Variants in FHIT observed in about 807,000 individuals in gnomAD.
The protein encoded by FHIT is bis(5'-adenosyl)-triphosphatase.
A neutral mutation model predicts 17.9 loss-of-function variants in FHIT; 19 were observed. The observed-to-expected ratio is 1.06, with a 90% CI of 0.74 to 1.56. The LOEUF is 1.56. Ranked by LOEUF, FHIT falls within the 40% of genes most tolerant of loss-of-function variation. The pLI is 0.00. For missense variants in FHIT, 248 were observed against 189.2 expected, an observed-to-expected ratio of 1.31 and a Z score of -1.82; for synonymous variants, 81 against 69.7, an observed-to-expected ratio of 1.16 and a Z score of -0.81.
At chr3:59,883,482 T>C (rs1434080938) in intron 8 of FHIT, among the ~76,000 whole-genome samples, 1 of 152,176 alleles carries the variant, frequency 6.6e-6, no homozygotes, top group Non-Finnish European at 1.5e-5. Context: ...TATAAAACCA[T>C]CAGATTTCAG....
chr3:60,552,717 A>T (rs1294547145), intron 4 of FHIT, among the ~76,000 whole-genome samples: 1 of 152,178 alleles, frequency 6.6e-6, no homozygotes, highest in African/African-American at 2.4e-5. Flanking sequence ...AGCTCTTTAG[A>T]CATGTTACTT....
rs551439316 is a variant in FHIT, at chr3:60,093,643, A to G, written c.104-79491T>C. On this transcript the variant is annotated intron_variant, in intron 5 of 9. Transcript: ENST00000492590. The stretch of plus-strand genomic sequence containing the variant: ...GCGGGTGAGCAAGCATTACTGCCTG[A>G]GGTTAGCTTCCTATCAGATCAGCAG... Among the ~76,000 whole-genome samples the G allele has an allele frequency of 1.8e-3, 275 of 152,268 alleles. 1 individual carries two copies. The highest frequency in any genetic ancestry group is 1.2e-3 in the Non-Finnish European group (81 of 68,018).
intron 6 of FHIT, among the ~76,000 whole-genome samples, chr3:60,012,499 G>A (rs566295508): frequency 1.3e-5 from 2 of 152,038 alleles, no homozygotes; most frequent in East Asian, 3.9e-4. Context: ...AAACTCCTGA[G>A]CTCAAGAGAG....
At chr3:61,166,199 G>C (rs988942918) in intron 2 of FHIT, among the ~76,000 whole-genome samples, 1 of 152,142 alleles carries the variant, frequency 6.6e-6, no homozygotes, top group Non-Finnish European at 1.5e-5. Flanking sequence ...CAAGCACTTA[G>C]CACACATGCT....
At chr3:60,615,798 C>T (rs1425887834) in intron 4 of FHIT, among the ~76,000 whole-genome samples, 1 of 152,214 alleles carries the variant, frequency 6.6e-6, no homozygotes, top group Non-Finnish European at 1.5e-5. Context: ...TAAGATAAGG[C>T]TCCATCTAAG....
chr3:60,097,601 T>A (rs906286371), intron 5 of FHIT, among the ~76,000 whole-genome samples: 6 of 152,218 alleles, frequency 3.9e-5, no homozygotes, highest in African/African-American at 1.4e-4. Flanking sequence ...ACGATAAGGA[T>A]GAAAAGTCTT....
chr3:60,681,305 A>G (rs1397667929), intron 4 of FHIT, among the ~76,000 whole-genome samples: 6 of 152,156 alleles, frequency 3.9e-5, no homozygotes, highest in African/African-American at 1.4e-4. Context: ...AGCCCAATAT[A>G]AGATGGTGAA....
intron 8 of FHIT, among the ~76,000 whole-genome samples, chr3:59,781,134 T>C (rs553235546): frequency 6.6e-6 from 1 of 152,306 alleles, no homozygotes; most frequent in East Asian, 1.9e-4. Flanking sequence ...AAGGCATTGG[T>C]GGGCTGCATT....
intron 2 of FHIT, among the ~76,000 whole-genome samples, chr3:61,093,888 T>C (rs1036199083): frequency 6.6e-6 from 1 of 152,204 alleles, no homozygotes; most frequent in Non-Finnish European, 1.5e-5. Flanking sequence ...TTGTTATATA[T>C]TAGACCAACA....
intron 4 of FHIT, among the ~76,000 whole-genome samples, chr3:60,711,269 T>C (rs1553705035): frequency 6.6e-6 from 1 of 152,038 alleles, no homozygotes. Flanking sequence ...CAAAAACCCA[T>C]CTGTACATCA....
At chr3:60,393,796 G>A (rs890300274) in intron 5 of FHIT, among the ~76,000 whole-genome samples, 2 of 152,178 alleles carry the variant, frequency 1.3e-5, no homozygotes, top group South Asian at 2.1e-4. Flanking sequence ...ACATGGCAAC[G>A]ATTGCATGGT....
intron 4 of FHIT, among the ~76,000 whole-genome samples, chr3:60,726,075 T>C (rs782280127): frequency 5.9e-5 from 9 of 152,188 alleles, no homozygotes; most frequent in Middle Eastern, 3.4e-3. Context: ...GTATGCGAAA[T>C]ATACAAAAAT....
At chr3:59,823,887 C>A (rs1291526887) in intron 8 of FHIT, among the ~76,000 whole-genome samples, 1 of 152,100 alleles carries the variant, frequency 6.6e-6, no homozygotes, top group Non-Finnish European at 1.5e-5. Context: ...GCATCCAAAT[C>A]GGTAAAGAGG....
At chr3:60,467,799 A>G (rs2032880558) in intron 5 of FHIT, among the ~76,000 whole-genome samples, 1 of 152,096 alleles carries the variant, frequency 6.6e-6, no homozygotes, top group African/African-American at 2.4e-5. Flanking sequence ...CCATTGGATA[A>G]AATGTTCTGT....
chr3:61,037,211 C>A (rs2033300086), intron 3 of FHIT, among the ~76,000 whole-genome samples: 1 of 152,096 alleles, frequency 6.6e-6, no homozygotes, highest in East Asian at 1.9e-4. Flanking sequence ...GTGCCCGGCC[C>A]AGTCTGCTTT....
At chr3:60,918,519 AG>A (rs1462788235) in intron 3 of FHIT, among the ~76,000 whole-genome samples, 1 of 152,232 alleles carries the variant, frequency 6.6e-6, no homozygotes, top group Non-Finnish European at 1.5e-5. Flanking sequence ...CAACATGAGT[AG>A]GGCAGGCAAT....
chr3:60,167,843 C>A (rs1346054046), intron 5 of FHIT, among the ~76,000 whole-genome samples: 1 of 152,096 alleles, frequency 6.6e-6, no homozygotes, highest in African/African-American at 2.4e-5. Flanking sequence ...CCAGCCTGGG[C>A]ATCACAGTGA....
chr3:60,864,862 T>A (rs1704088000), intron 3 of FHIT, among the ~76,000 whole-genome samples: 1 of 151,976 alleles, frequency 6.6e-6, no homozygotes, highest in Non-Finnish European at 1.5e-5. Flanking sequence ...TGAAAATGCA[T>A]CAAAACCCTA....
chr3:60,317,534 C>A (rs918380728), intron 5 of FHIT, among the ~76,000 whole-genome samples: 3 of 148,280 alleles, frequency 2.0e-5, no homozygotes, highest in African/African-American at 7.4e-5. Flanking sequence ...AAAAGTGATG[C>A]TAATATATTG....
Sources: allele counts gnomAD v4.1 joint callset (sites outside exome capture counted in the v4.1 genomes callset), GRCh38; gene constraint gnomAD v4.1.1; transcripts MANE v1.5; gene names NCBI Gene and HGNC (gene_info 2026-07-23, HGNC 2026-07-21).